The following AGBL4 variants were observed in gnomAD, a reference collection of about 807,000 sequenced individuals.
The protein encoded by AGBL4 is AGBL carboxypeptidase 4.
A neutral mutation model predicts 66.4 loss-of-function variants in AGBL4; 58 were observed. That is an observed-to-expected ratio of 0.87 (90% CI 0.71 to 1.09). The LOEUF (loss-of-function observed/expected upper bound fraction) is 1.09, where lower values mean the gene tolerates loss of function less well. Among genes scored for constraint, AGBL4 ranks in the 50% least tolerant of loss-of-function variants. The pLI is 0.00. For missense variants in AGBL4, 579 were observed against 631.0 expected, an observed-to-expected ratio of 0.92 and a Z score of 0.88; for synonymous variants, 234 against 222.9, an observed-to-expected ratio of 1.05 and a Z score of -0.44.
intron 5 of AGBL4, among the ~76,000 whole-genome samples, chr1:48,986,280 T>G (rs930075413): frequency 6.6e-6 from 1 of 151,938 alleles, no homozygotes; most frequent in Non-Finnish European, 1.5e-5. Flanking sequence ...TTTTCCACGT[T>G]TGATGAAAAC....
chr1:49,766,855 A>G (rs1652767677), intron 2 of AGBL4, among the ~76,000 whole-genome samples: 1 of 152,066 alleles, frequency 6.6e-6, no homozygotes, highest in African/African-American at 2.4e-5. Flanking sequence ...AAAGGACAAA[A>G]AAGGCACTAT....
At chr1:49,941,665 G>C (rs1284168068) in intron 1 of AGBL4, among the ~76,000 whole-genome samples, 1 of 151,888 alleles carries the variant, frequency 6.6e-6, no homozygotes, top group Non-Finnish European at 1.5e-5. Flanking sequence ...AAGAAAATGT[G>C]ACAAAATTAA....
intron 6 of AGBL4, among the ~76,000 whole-genome samples, chr1:48,757,209 A>G (rs891471610): frequency 2.6e-5 from 4 of 152,190 alleles, no homozygotes; most frequent in Admixed American, 6.5e-5. Context: ...TAAAAGGCAT[A>G]GCATACAAAG....
chr1:48,661,946 A>G (rs548455178), intron 7 of AGBL4, among the ~76,000 whole-genome samples: 20 of 152,302 alleles, frequency 1.3e-4, no homozygotes, highest in Non-Finnish European at 1.8e-4. Context: ...AGAAGGCCAA[A>G]GTGAGAATGC....
intron 2 of AGBL4, among the ~76,000 whole-genome samples, chr1:49,830,315 CA>C (rs1248529243): frequency 2.0e-5 from 3 of 152,136 alleles, no homozygotes; most frequent in African/African-American, 7.2e-5. Flanking sequence ...TTCTAACTGC[CA>C]TGATGTGGTA....
intron 11 of AGBL4, among the ~76,000 whole-genome samples, chr1:48,552,201 C>T (rs1569751599): frequency 6.6e-6 from 1 of 152,056 alleles, no homozygotes; most frequent in Non-Finnish European, 1.5e-5. Flanking sequence ...GTAGCTGGGA[C>T]TACAGGTGTG....
At position 48,873,775 on chromosome 1, in the gene AGBL4, T is replaced by A. The variant is rs1341394393; in HGVS notation, c.595-6545A>T. ...ACCCCCATAATTTTTGTGAAAACTC[T>A]ATTTCTGTCTTGGGGACCCAGGAAT... is the stretch of plus-strand genomic sequence containing the variant. On this transcript the variant is annotated intron_variant, in intron 5 of 13. Transcript: ENST00000371839. 2.6e-5 allele frequency among the ~76,000 whole-genome samples: 4 copies of A among 152,180 alleles called. No individual in the cohort carries two copies. In the East Asian group the frequency reaches 7.7e-4, roughly 29 times the overall value.
intron 4 of AGBL4, among the ~76,000 whole-genome samples, chr1:49,125,593 A>C (rs1645748635): frequency 6.6e-6 from 1 of 152,188 alleles, no homozygotes; most frequent in Non-Finnish European, 1.5e-5. Flanking sequence ...GGAAAGAAGA[A>C]AAGTGTAAAA....
In AGBL4 at chr1:48,748,860, CTG is replaced by C. The variant is rs1651195183; in HGVS notation, c.635-85621_635-85620del. Reference sequence around the variant, plus strand: ...TTCAGGTCCTCTCTCTCTCCATTTTCTGTGAGTGAGGGCAGGAGCAGGCTTCG... The same window carrying C: ...TTCAGGTCCTCTCTCTCTCCATTTTCTGAGTGAGGGCAGGAGCAGGCTTCG... On this transcript the variant is annotated intron_variant, in intron 6 of 13. Coordinates refer to ENST00000371839, the MANE Select transcript of AGBL4 (RefSeq NM_032785.4). Among the ~76,000 whole-genome samples, 5 of 152,194 alleles carry C rather than the reference CTG, an allele frequency of 3.3e-5. No individual in the cohort carries two copies. The South Asian group carries it at 1.0e-3, about 32-fold the overall frequency.
chr1:49,079,549 C>T (rs903305864), intron 4 of AGBL4, among the ~76,000 whole-genome samples: 4 of 152,246 alleles, frequency 2.6e-5, no homozygotes, highest in Non-Finnish European at 5.9e-5. Flanking sequence ...ATCCAATCAC[C>T]TCCCTCTCTT....
rs116418110 is a variant in AGBL4, at chr1:49,443,457, G to A, written c.283-197593C>T. On this transcript the variant is annotated intron_variant, in intron 3 of 13. Transcript: ENST00000371839. The stretch of plus-strand genomic sequence containing the variant: ...TTGATTTTTTATATGGTGACAAATA[G>A]GAGCCCAGTTTTATTCTTCTGCATG... Among the ~76,000 whole-genome samples, 402 of 152,038 alleles carry A rather than the reference G, an allele frequency of 2.6e-3. 1 individual carries two copies. Among genetic ancestry groups the A allele is most frequent in the African/African-American group, 9.2e-3 (381 of 41,516 alleles).
At chr1:49,578,656 T>G (rs1286616099) in intron 3 of AGBL4, among the ~76,000 whole-genome samples, 2 of 152,262 alleles carry the variant, frequency 1.3e-5, no homozygotes, top group Non-Finnish European at 2.9e-5. Context: ...ATATCAGCAT[T>G]TAAGTATTGT....
Position 48,591,125 on chromosome 1 carries a change from C to T in AGBL4, c.952-140G>A, listed in dbSNP as rs1644913632. 9 of 772,914 alleles carry T rather than the reference C, an allele frequency of 1.2e-5. No homozygotes were observed. In the South Asian group the frequency reaches 1.9e-4, roughly 16 times the overall value. The allele number at this position is 772,914 out of a possible 1,614,324, so 47.9% of individuals were successfully genotyped here. ...ACACACACACACACATCAAGCTGAC[C>T]CTGTGTGTCAGCAGATTTAGCAGCC... is the stretch of plus-strand genomic sequence containing the variant. On this transcript the variant is annotated intron_variant, in intron 9 of 13. Transcript: ENST00000371839.
chr1:49,564,230 A>C (rs944467335), intron 3 of AGBL4, among the ~76,000 whole-genome samples: 6 of 151,850 alleles, frequency 4.0e-5, no homozygotes, highest in Non-Finnish European at 7.4e-5. Context: ...GCAGTCTATC[A>C]ATTTTGTTGA....
intron 4 of AGBL4, among the ~76,000 whole-genome samples, chr1:49,151,112 C>T (rs1177931819): frequency 6.6e-6 from 1 of 151,514 alleles, no homozygotes; most frequent in Non-Finnish European, 1.5e-5. Context: ...ACTAAAAATA[C>T]AAAAATATTA....
intron 3 of AGBL4, among the ~76,000 whole-genome samples, chr1:49,661,943 C>T (rs575415717): frequency 6.6e-6 from 1 of 151,982 alleles, no homozygotes; most frequent in Non-Finnish European, 1.5e-5. Flanking sequence ...AATGGATAAA[C>T]AAATGGTGCT....
At chr1:48,584,846 G>A (rs1007978593) in intron 11 of AGBL4, 5 of 152,126 alleles carry the variant, frequency 3.3e-5, no homozygotes, top group African/African-American at 1.2e-4. Flanking sequence ...TATGTTCTCT[G>A]TTACATTCCC....
chr1:49,720,477 C>T (rs1433832438), intron 2 of AGBL4, among the ~76,000 whole-genome samples: 1 of 152,094 alleles, frequency 6.6e-6, no homozygotes, highest in Admixed American at 6.6e-5. Context: ...GTTCATTGAG[C>T]ACTTGCTACA....
chr1:49,015,838 A>C (rs1662779800), intron 5 of AGBL4, among the ~76,000 whole-genome samples: 1 of 152,174 alleles, frequency 6.6e-6, no homozygotes, highest in Non-Finnish European at 1.5e-5. Flanking sequence ...TTAAAGAAAG[A>C]AACCCGAGTC....
Sources: allele counts gnomAD v4.1 joint callset (sites outside exome capture counted in the v4.1 genomes callset), GRCh38; gene constraint gnomAD v4.1.1; transcripts MANE v1.5; gene names NCBI Gene and HGNC (gene_info 2026-07-23, HGNC 2026-07-21).